Variants in PCDH9 observed in about 807,000 individuals in gnomAD.
PCDH9 encodes protocadherin 9.
Under a neutral mutation model 70.6 loss-of-function variants are expected in PCDH9, and 24 were observed. The ratio of observed to expected loss-of-function variants is 0.34; its 90% CI spans 0.25 to 0.48. The LOEUF is 0.48. Ranked by LOEUF, PCDH9 falls within the 20% of genes least tolerant of loss-of-function variation. The pLI is 0.99. For synonymous variants in PCDH9, 562 were observed against 558.5 expected, an observed-to-expected ratio of 1.01 and a Z score of -0.09; for missense variants, 1,281 against 1,503.6, an observed-to-expected ratio of 0.85 and a Z score of 2.45.
intron 2 of PCDH9, chr13:66,978,503 A>C (rs1287029885): frequency 6.6e-6 from 1 of 151,858 alleles, no homozygotes; most frequent in African/African-American, 2.4e-5. Context: ...GTGATTAAAA[A>C]GTAAAATTTA....
At chr13:66,381,762 A>T (rs574085397) in intron 4 of PCDH9, among the ~76,000 whole-genome samples, 1 of 152,326 alleles carries the variant, frequency 6.6e-6, no homozygotes, top group African/African-American at 2.4e-5. Context: ...CCTTGAAAAG[A>T]ATTTCAAACT....
chr13:67,140,544 C>T (rs1163194438), intron 2 of PCDH9, among the ~76,000 whole-genome samples: 2 of 152,114 alleles, frequency 1.3e-5, no homozygotes, highest in Admixed American at 6.5e-5. Context: ...TTTCAAACCT[C>T]AGGGCCCTTA....
intron 4 of PCDH9, among the ~76,000 whole-genome samples, chr13:66,493,264 T>C (rs1182815822): frequency 6.6e-6 from 1 of 152,142 alleles, no homozygotes; most frequent in Non-Finnish European, 1.5e-5. Context: ...TTTGTGGCAT[T>C]TGAATACTAG....
chr13:67,141,508 T>C (rs1438538876), intron 2 of PCDH9, among the ~76,000 whole-genome samples: 1 of 152,048 alleles, frequency 6.6e-6, no homozygotes, highest in Non-Finnish European at 1.5e-5. Context: ...TGGCGCAATG[T>C]CAGCTCAGTG....
At chr13:66,984,764 TTC>T (rs1164945467) in intron 2 of PCDH9, among the ~76,000 whole-genome samples, 1 of 152,180 alleles carries the variant, frequency 6.6e-6, no homozygotes, top group Non-Finnish European at 1.5e-5. Context: ...GACCATCATT[TTC>T]TCTTTTAGCA....
intron 4 of PCDH9, among the ~76,000 whole-genome samples, chr13:66,362,557 ACT>A (rs1956489334): frequency 6.6e-6 from 1 of 152,172 alleles, no homozygotes; most frequent in Admixed American, 6.6e-5. Context: ...ATGAAAATGT[ACT>A]ACTGGACATA....
chr13:66,418,538 C>A (rs534028723), intron 4 of PCDH9, among the ~76,000 whole-genome samples: 1 of 152,038 alleles, frequency 6.6e-6, no homozygotes, highest in African/African-American at 2.4e-5. Context: ...TTATTTGAAG[C>A]CAATGAGAAC....
At position 67,228,034 on chromosome 13, in the gene PCDH9, T is replaced by C; in HGVS notation, c.407A>G (p.Asn136Ser). ...AGATGGAAACATGGGGGCATTATCATTGGTATCCTTGACAATTATTTTTAT... is the reference window on the plus strand; with the variant it reads ...AGATGGAAACATGGGGGCATTATCACTGGTATCCTTGACAATTATTTTTAT... Reference protein sequence around the residue: ...IKIKIIVKDTNDNAPMFPSPV... With the variant: ...IKIKIIVKDTSDNAPMFPSPV... Residue 136 changes from asparagine (N) to serine (S), a missense_variant, in exon 2 of 5, where the codon AAT becomes AGT. Physicochemically the swap from Asn to Ser is conservative, Grantham distance 46. Coordinates refer to ENST00000377865, the MANE Select transcript of PCDH9 (RefSeq NM_203487.3). The C allele has an allele frequency of 6.2e-7, 1 of 1,613,910 alleles. No individual in the cohort carries two copies.
intron 4 of PCDH9, among the ~76,000 whole-genome samples, chr13:66,560,975 GCCCTT>G (rs1961987585): frequency 6.6e-6 from 1 of 152,230 alleles, no homozygotes; most frequent in African/African-American, 2.4e-5. Context: ...CACTTGAGGA[GCCCTT>G]CAGCCTGCCG....
intron 3 of PCDH9, among the ~76,000 whole-genome samples, chr13:66,697,192 T>G (rs1479638639): frequency 6.6e-6 from 1 of 152,184 alleles, no homozygotes; most frequent in Non-Finnish European, 1.5e-5. Flanking sequence ...AGCTATGTGC[T>G]TGGAAATCAC....
chr13:66,560,186 C>T (rs925940171), intron 4 of PCDH9, among the ~76,000 whole-genome samples: 1 of 152,132 alleles, frequency 6.6e-6, no homozygotes, highest in South Asian at 2.1e-4. Context: ...CCGGGTTTAT[C>T]GCCTGGTATG....
chr13:67,101,825 A>G (rs1017807528), intron 2 of PCDH9, among the ~76,000 whole-genome samples: 3 of 152,192 alleles, frequency 2.0e-5, no homozygotes, highest in African/African-American at 7.2e-5. Flanking sequence ...TAAGAAAGAA[A>G]TTAAAACAAA....
chr13:66,535,329 C>T (rs1338776672), intron 4 of PCDH9, among the ~76,000 whole-genome samples: 1 of 151,872 alleles, frequency 6.6e-6, no homozygotes, highest in Admixed American at 6.6e-5. Flanking sequence ...TCTCTTTTAA[C>T]CAATATGAAA....
At chr13:67,068,835 T>C (rs536102054) in intron 2 of PCDH9, among the ~76,000 whole-genome samples, 3 of 152,318 alleles carry the variant, frequency 2.0e-5, no homozygotes, top group Non-Finnish European at 1.5e-5. Flanking sequence ...TATCCTGTTA[T>C]GTGAAAATAT....
chr13:66,388,947 A>T (rs1024617146), intron 4 of PCDH9, among the ~76,000 whole-genome samples: 2 of 152,112 alleles, frequency 1.3e-5, no homozygotes, highest in Non-Finnish European at 2.9e-5. Context: ...AATTAACCAT[A>T]TTTTGTCTTA....
chr13:67,088,370 C>T (rs1385745670), intron 2 of PCDH9, among the ~76,000 whole-genome samples: 1 of 152,020 alleles, frequency 6.6e-6, no homozygotes, highest in Non-Finnish European at 1.5e-5. Flanking sequence ...CAAATTTTAT[C>T]AAGCATCTAC....
intron 2 of PCDH9, chr13:67,205,345 A>C (rs1483071031): frequency 6.6e-6 from 1 of 152,202 alleles, no homozygotes; most frequent in Non-Finnish European, 1.5e-5. Flanking sequence ...CATGTTGAAT[A>C]CTGCTTTTTA....
chr13:66,304,780 G>A lies in PCDH9; in HGVS notation c.3589C>T (p.Gln1197Ter). Residue 1197 changes from glutamine to a stop codon, truncating the protein, a stop_gained, in exon 5 of 5, where the codon CAG (glutamine) becomes TAG (stop). Transcript: ENST00000377865. LOFTEE classifies it high-confidence loss of function. ...SNRNQFNDRK[Q>*]YGSNEGHFNN... The stretch of plus-strand genomic sequence containing the variant: ...AAATGGCCTTCATTGGAGCCATACT[G>A]CTTACGGTCATTGAACTGGTTCCTG... 6.2e-7 allele frequency: 1 copy of A among 1,613,484 alleles called. No homozygotes were observed. Among genetic ancestry groups the A allele is most frequent in the Non-Finnish European group, 8.5e-7 (1 of 1,179,724 alleles).
chr13:67,186,663 G>A (rs2088767697), intron 2 of PCDH9, among the ~76,000 whole-genome samples: 1 of 151,796 alleles, frequency 6.6e-6, no homozygotes, highest in Non-Finnish European at 1.5e-5. Flanking sequence ...ATTTTCCACT[G>A]GTAAAAAATC....
Sources: gnomAD v4.1 joint callset for allele counts (sites outside exome capture counted in the v4.1 genomes callset) on GRCh38, gnomAD v4.1.1 for gene constraint, MANE v1.5 for transcripts, NCBI Gene and HGNC (gene_info 2026-07-23, HGNC 2026-07-21) for gene names.